CTNNA2: variants seen among roughly 807,000 people sequenced by gnomAD.
CTNNA2 encodes the protein catenin alpha-2.
Under a neutral mutation model 101.0 loss-of-function variants are expected in CTNNA2, and 42 were observed. The ratio of observed to expected loss-of-function variants is 0.42; its 90% CI spans 0.32 to 0.54. The LOEUF (loss-of-function observed/expected upper bound fraction) is 0.54. Among genes scored for constraint, CTNNA2 ranks in the 20% least tolerant of loss-of-function variants. The pLI, the probability that CTNNA2 is intolerant of heterozygous loss-of-function variation, is 0.14. For missense variants in CTNNA2, 871 were observed against 1,223.1 expected, an observed-to-expected ratio of 0.71 and a Z score of 4.29; for synonymous variants, 450 against 456.4, an observed-to-expected ratio of 0.99 and a Z score of 0.18.
intron 3 of CTNNA2, among the ~76,000 whole-genome samples, chr2:79,372,715 G>C (rs1336305643): frequency 6.6e-6 from 1 of 152,090 alleles, no homozygotes; most frequent in Admixed American, 6.5e-5. Flanking sequence ...ACATTCAACG[G>C]TTAAAAACCA....
chr2:80,194,494 G>GT (rs5832439), intron 7 of CTNNA2, among the ~76,000 whole-genome samples: 33,507 of 147,022 alleles, frequency 0.23, 5,580 homozygotes, highest in African/African-American at 0.47. Flanking sequence ...TGATGTGATA[G>GT]TTTTTTTTTT....
intron 7 of CTNNA2, among the ~76,000 whole-genome samples, chr2:79,942,405 T>G (rs2104460741): frequency 6.6e-6 from 1 of 152,284 alleles, no homozygotes; most frequent in South Asian, 2.1e-4. Context: ...TATTTTAGAT[T>G]CTGTTTTGAT....
intron 18 of CTNNA2, among the ~76,000 whole-genome samples, chr2:80,624,575 G>A (rs1333457238): frequency 6.6e-6 from 1 of 151,930 alleles, no homozygotes; most frequent in Non-Finnish European, 1.5e-5. Context: ...ACAGCAACAA[G>A]GATTGATTCT....
At chr2:79,768,769 C>T (rs1472917972) in intron 3 of CTNNA2, among the ~76,000 whole-genome samples, 1 of 152,086 alleles carries the variant, frequency 6.6e-6, no homozygotes, top group Non-Finnish European at 1.5e-5. Context: ...CATCTCCCTC[C>T]CTAACACACG....
rs1455451166 is a variant in CTNNA2, at chr2:79,300,958, C to T, written c.-405-11751C>T. Reference sequence around the variant, plus strand: ...TCTCTGTCTCACACTTTGACCTGTGCCAACACCATTTCTTGTGTAACATTT... The same window carrying T: ...TCTCTGTCTCACACTTTGACCTGTGTCAACACCATTTCTTGTGTAACATTT... On this transcript the variant is annotated intron_variant, in intron 2 of 21. Coordinates refer to the CTNNA2 transcript ENST00000466387. 2.0e-5 allele frequency among the ~76,000 whole-genome samples: 3 copies of T among 152,292 alleles called. No homozygotes were observed. In the East Asian group the frequency reaches 5.8e-4, roughly 29 times the overall value.
chr2:79,669,725 G>A (rs1682694118), intron 2 of CTNNA2, among the ~76,000 whole-genome samples: 1 of 152,174 alleles, frequency 6.6e-6, no homozygotes, highest in African/African-American at 2.4e-5. Flanking sequence ...AGTGAAGAGG[G>A]TGCTCCTCTC....
intron 7 of CTNNA2, among the ~76,000 whole-genome samples, chr2:79,911,477 G>A (rs997114463): frequency 3.3e-5 from 5 of 152,284 alleles, no homozygotes; most frequent in East Asian, 1.9e-4. Context: ...TGATCAACAC[G>A]TGACATGTAA....
intron 7 of CTNNA2, among the ~76,000 whole-genome samples, chr2:80,081,408 G>A (rs1360688819): frequency 6.6e-6 from 1 of 152,056 alleles, no homozygotes; most frequent in Non-Finnish European, 1.5e-5. Flanking sequence ...CTGATGGTAT[G>A]TATCTCCAAC....
chr2:79,700,657 C>A (rs1684943814), intron 2 of CTNNA2, among the ~76,000 whole-genome samples: 1 of 152,156 alleles, frequency 6.6e-6, no homozygotes, highest in Non-Finnish European at 1.5e-5. Flanking sequence ...ATATTCAATG[C>A]AAAGCACCCC....
Position 80,268,344 on chromosome 2 carries a change from A to G in CTNNA2, c.1057-124867A>G, listed in dbSNP as rs140227857. ...TTTGAAATTTGCAAACCTGTCCTAC[A>G]TCTATTTTTATTTCATTTGATATCC... On this transcript the variant is annotated intron_variant, in intron 7 of 18. Coordinates refer to ENST00000402739, the MANE Select transcript of CTNNA2 (RefSeq NM_001282597.3). 5.3e-3 allele frequency among the ~76,000 whole-genome samples: 802 copies of G among 152,328 alleles called. 30 individuals are homozygous for G. The highest frequency in any genetic ancestry group is 0.045 in the Admixed American group (688 of 15,302).
intron 9 of CTNNA2, among the ~76,000 whole-genome samples, chr2:80,535,272 T>A (rs1690905614): frequency 6.6e-6 from 1 of 152,326 alleles, no homozygotes; most frequent in Admixed American, 6.5e-5. Context: ...ATATTTTACT[T>A]GTATCTTCCA....
At chr2:80,539,208 G>A (rs1360249897) in intron 9 of CTNNA2, among the ~76,000 whole-genome samples, 3 of 151,892 alleles carry the variant, frequency 2.0e-5, no homozygotes, top group Non-Finnish European at 2.9e-5. Flanking sequence ...TTGGCTTCCT[G>A]AGGTGATTAT....
intron 6 of CTNNA2, among the ~76,000 whole-genome samples, chr2:79,889,121 G>A (rs1296769496): frequency 6.6e-6 from 1 of 152,134 alleles, no homozygotes; most frequent in Non-Finnish European, 1.5e-5. Flanking sequence ...CTGGGAACGT[G>A]ATAGGGAGTT....
intron 2 of CTNNA2, among the ~76,000 whole-genome samples, chr2:79,278,076 A>G (rs1278502370): frequency 6.6e-6 from 1 of 152,170 alleles, no homozygotes; most frequent in African/African-American, 2.4e-5. Flanking sequence ...GTAATTTTAT[A>G]GAAGAAGTCT....
intron 7 of CTNNA2, among the ~76,000 whole-genome samples, chr2:80,384,278 C>A (rs543829938): frequency 6.6e-6 from 1 of 152,118 alleles, no homozygotes; most frequent in African/African-American, 2.4e-5. Flanking sequence ...CACAAAATAT[C>A]TGCACTGTTT....
At chr2:79,387,937 C>G (rs967484340) in intron 4 of CTNNA2, among the ~76,000 whole-genome samples, 1 of 152,034 alleles carries the variant, frequency 6.6e-6, no homozygotes, top group East Asian at 1.9e-4. Flanking sequence ...AACCAGAGAG[C>G]CACAGAGAGT....
chr2:80,410,799 C>A (rs1679499874), intron 8 of CTNNA2, among the ~76,000 whole-genome samples: 2 of 152,158 alleles, frequency 1.3e-5, no homozygotes, highest in Non-Finnish European at 2.9e-5. Context: ...TTAGCTGATA[C>A]CAAGTTCAAG....
intron 3 of CTNNA2, among the ~76,000 whole-genome samples, chr2:79,849,445 T>C (rs1680500335): frequency 6.6e-6 from 1 of 152,108 alleles, no homozygotes; most frequent in Admixed American, 6.5e-5. Flanking sequence ...GTAGCTTATT[T>C]TAATGCAGAT....
intron 1 of CTNNA2, among the ~76,000 whole-genome samples, chr2:79,533,522 G>A (rs1350027134): frequency 2.0e-5 from 3 of 151,988 alleles, no homozygotes; most frequent in Non-Finnish European, 4.4e-5. Context: ...GAGTTCCCAT[G>A]GGTTGTATTT....
Sources: allele counts gnomAD v4.1 joint callset (sites outside exome capture counted in the v4.1 genomes callset), GRCh38; gene constraint gnomAD v4.1.1; transcripts MANE v1.5; gene names NCBI Gene and HGNC (gene_info 2026-07-23, HGNC 2026-07-21).